AHDC1: variants seen among roughly 807,000 people sequenced by gnomAD.
AHDC1 encodes AT-hook DNA binding motif containing 1.
A neutral mutation model predicts 87.9 loss-of-function variants in AHDC1; 7 were observed. The observed-to-expected ratio is 0.08, with a 90% CI of 0.05 to 0.15. The LOEUF is 0.15. Among genes scored for constraint, AHDC1 ranks in the 10% least tolerant of loss-of-function variants. The pLI, the probability that AHDC1 is intolerant of heterozygous loss-of-function variation, is 1.00. For synonymous variants in AHDC1, 1,051 were observed against 1,006.8 expected, an observed-to-expected ratio of 1.04 and a Z score of -0.83; for missense variants, 1,841 against 2,253.2, an observed-to-expected ratio of 0.82 and a Z score of 3.70.
At chr1:27,542,910 G>A (rs1282511285) in intron 8 of AHDC1, among the ~76,000 whole-genome samples, 1 of 152,234 alleles carries the variant, frequency 6.6e-6, no homozygotes, top group Non-Finnish European at 1.5e-5. Context: ...CTCAGAGAGT[G>A]TGGGGAAGAA....
intron 3 of AHDC1, among the ~76,000 whole-genome samples, chr1:27,580,379 C>G (rs1010044559): frequency 1.3e-5 from 2 of 152,226 alleles, no homozygotes; most frequent in African/African-American, 4.8e-5. Context: ...CCTCCAACTA[C>G]CTGATGCGTC....
intron 3 of AHDC1, among the ~76,000 whole-genome samples, chr1:27,573,073 A>G (rs1363233626): frequency 6.6e-6 from 1 of 151,602 alleles, no homozygotes. Context: ...ATCCACCACA[A>G]CCTCCACCAG....
Position 27,561,608 on chromosome 1 carries a change from C to T in AHDC1, c.-628-2725G>A, listed in dbSNP as rs954688131. On this transcript the variant is annotated intron_variant, in intron 3 of 8. Coordinates refer to ENST00000673934, the MANE Select transcript of AHDC1 (RefSeq NM_001371928.1). This position sits in a 1 kb window ranked among gnomAD's most constrained non-coding sequence, Gnocchi z 4.2. ...CATGTTTCCCATTAGCTGCTCTGGC[C>T]TCCTTGTTCAGGGGGTGTTGGCTGG... is the stretch of plus-strand genomic sequence containing the variant. Among the ~76,000 whole-genome samples the T allele has an allele frequency of 6.6e-6, 1 of 152,056 alleles. No homozygotes were observed. The highest frequency in any genetic ancestry group is 1.5e-5 in the Non-Finnish European group (1 of 68,008).
At chr1:27,579,731 G>A (rs1023016231) in intron 3 of AHDC1, among the ~76,000 whole-genome samples, 2 of 152,176 alleles carry the variant, frequency 1.3e-5, no homozygotes. Flanking sequence ...ATGCTCATTC[G>A]CTTATGCACT....
At chr1:27,555,345 A>G (rs2019770260) in intron 5 of AHDC1, among the ~76,000 whole-genome samples, 1 of 152,054 alleles carries the variant, frequency 6.6e-6, no homozygotes. Flanking sequence ...AGGGAAAGAG[A>G]CTTTGTCCGA....
At chr1:27,538,522 GT>G (rs373338858) in intron 8 of AHDC1, among the ~76,000 whole-genome samples, 10 of 142,280 alleles carry the variant, frequency 7.0e-5, no homozygotes, top group East Asian at 4.2e-4. Flanking sequence ...GTTGTTTTTT[GT>G]TTTTTTTTTG....
intron 3 of AHDC1, among the ~76,000 whole-genome samples, chr1:27,589,252 T>G (rs1020948417): frequency 2.0e-5 from 3 of 152,178 alleles, no homozygotes; most frequent in African/African-American, 4.8e-5. Context: ...CCTCTACATC[T>G]GTCCACAGTA....
rs1470268933 is a variant in AHDC1, at chr1:27,561,068, C to T, written c.-628-2185G>A. Among the ~76,000 whole-genome samples, 1 of 152,212 alleles carries T rather than the reference C, an allele frequency of 6.6e-6. No homozygotes were observed. Among genetic ancestry groups the T allele is most frequent in the Non-Finnish European group, 1.5e-5 (1 of 68,042 alleles). On this transcript the variant is annotated intron_variant, in intron 3 of 8. Coordinates refer to ENST00000673934, the MANE Select transcript of AHDC1 (RefSeq NM_001371928.1). The surrounding 1 kb of genome is among the most constrained non-coding windows in gnomAD (Gnocchi z 4.2). ...AATTCCAACCTGCCAGAGCCTCCCT[C>T]CTCTGATCTGTCCCCCCTTTCCCTG... is the stretch of plus-strand genomic sequence containing the variant.
At chr1:27,597,872 T>G (rs2089419881) in intron 3 of AHDC1, among the ~76,000 whole-genome samples, 1 of 152,074 alleles carries the variant, frequency 6.6e-6, no homozygotes, top group South Asian at 2.1e-4. Flanking sequence ...TCACTCTGTC[T>G]CCTTTCTTTT....
At position 27,551,251 on chromosome 1, in the gene AHDC1, C is replaced by G; in HGVS notation, c.865G>C (p.Glu289Gln). 6.2e-7 allele frequency: 1 copy of G among 1,609,906 alleles called. No individual in the cohort carries two copies. Among genetic ancestry groups the G allele is most frequent in the Non-Finnish European group, 8.5e-7 (1 of 1,179,656 alleles). Residue 289 changes from glutamate (E) to glutamine (Q), a missense_variant, in exon 8 of 9, where the codon GAG becomes CAG. By Grantham distance (29) the Glu-to-Gln change is conservative. This residue lies in a region of AHDC1 where 370 missense variants were observed against 391.5 expected (regional missense o/e 0.95). Coordinates refer to ENST00000673934, the MANE Select transcript of AHDC1 (RefSeq NM_001371928.1). ...AGCTCCAGAGCTTCCCCGAGCGGCT[C>G]TAGTGCCTGCGGGTCCAGGAAGCGG... ...QPRFLDPQAL[E>Q]PLGEALELPP... is the part of the protein sequence containing the mutation.
At chr1:27,536,907 A>T (rs2018664790) in intron 8 of AHDC1, among the ~76,000 whole-genome samples, 1 of 134,718 alleles carries the variant, frequency 7.4e-6, no homozygotes, top group African/African-American at 2.8e-5. Flanking sequence ...TCTCTAAGCC[A>T]GGTCTCCATG....
At chr1:27,585,091 G>A (rs960899700) in intron 3 of AHDC1, among the ~76,000 whole-genome samples, 6 of 151,570 alleles carry the variant, frequency 4.0e-5, no homozygotes, top group East Asian at 1.9e-4. Flanking sequence ...GCAAAACCTC[G>A]TCTCTACTAA....
At chr1:27,581,648 C>G (rs1283297894) in intron 3 of AHDC1, among the ~76,000 whole-genome samples, 1 of 152,162 alleles carries the variant, frequency 6.6e-6, no homozygotes, top group Non-Finnish European at 1.5e-5. Context: ...GTGGGCTCCC[C>G]CACCTCCAGT....
rs757581653 is a variant in AHDC1 at position 27,548,587 on chromosome 1, C to G, written c.3529G>C (p.Val1177Leu). 1.9e-6 allele frequency: 3 copies of G among 1,613,450 alleles called. No homozygotes were observed. The highest frequency in any genetic ancestry group is 2.5e-6 in the Non-Finnish European group (3 of 1,180,018). Residue 1177 changes from valine to leucine, a missense_variant, in exon 8 of 9, where the codon GTT becomes CTT. This residue lies in a region of AHDC1 where 505 missense variants were observed against 626.2 expected (regional missense o/e 0.81). Transcript: ENST00000673934. Reference sequence around the variant, plus strand: ...GCACGCCGAAACCCCCCGCCACCAACCGGCTGATTGAACTGGGTGCTGTCG... The same window carrying G: ...GCACGCCGAAACCCCCCGCCACCAAGCGGCTGATTGAACTGGGTGCTGTCG... ...SSDSTQFNQP[V>L]GGGGFRRANS...
chr1:27,547,994 C>A lies in AHDC1; in HGVS notation c.4122G>T (p.Glu1374Asp). The change falls in exon 8 of 9, where the codon GAG (glutamate) becomes GAT (aspartate). Residue 1374 changes from glutamate to aspartate, a missense_variant. Transcript: ENST00000673934. This position sits in a 1 kb window ranked among gnomAD's most constrained non-coding sequence, Gnocchi z 4.9. ...HCDSPSLGAP[E>D]LDGKHFPPLA... The stretch of plus-strand genomic sequence containing the variant: ...GCGGTGGGAAATGCTTGCCATCAAG[C>A]TCGGGAGCACCCAGGCTGGGCGAGT... 1 of 1,607,270 alleles carries A rather than the reference C, an allele frequency of 6.2e-7. No homozygotes were observed. The highest frequency in any genetic ancestry group is 8.5e-7 in the Non-Finnish European group (1 of 1,175,190).
intron 3 of AHDC1, among the ~76,000 whole-genome samples, chr1:27,575,195 G>C (rs2088680783): frequency 6.6e-6 from 1 of 152,168 alleles, no homozygotes; most frequent in Non-Finnish European, 1.5e-5. Flanking sequence ...GCCGCCTCTG[G>C]GGCTACCTGG....
Position 27,547,719 on chromosome 1 carries a change from T to C in AHDC1, c.4397A>G (p.Tyr1466Cys). The C allele has an allele frequency of 1.3e-6, 2 of 1,595,670 alleles. No homozygotes were observed. The highest frequency in any genetic ancestry group is 1.7e-6 in the Non-Finnish European group (2 of 1,169,070). Residue 1466 changes from tyrosine (Y) to cysteine (C), a missense_variant, in exon 8 of 9, where the codon TAT becomes TGT. By Grantham distance (194) the Tyr-to-Cys change is radical (BLOSUM62 -2). Around this residue, in one of 13 missense-constraint regions of AHDC1, gnomAD observed 505 missense variants for 626.2 expected, o/e 0.81. Transcript: ENST00000673934. The surrounding 1 kb of genome is among the most constrained non-coding windows in gnomAD (Gnocchi z 4.9). Reference sequence around the variant, plus strand: ...GGCAGCTGAGCCTGGAGGGTACCAATAGGCTGTGCCCTTGCAGCTGGGGGA... The same window carrying C: ...GGCAGCTGAGCCTGGAGGGTACCAACAGGCTGTGCCCTTGCAGCTGGGGGA... ...YDSPSCKGTA[Y>C]WYPPGSAARS...
intron 3 of AHDC1, among the ~76,000 whole-genome samples, chr1:27,579,410 G>A (rs2088847765): frequency 6.6e-6 from 1 of 152,060 alleles, no homozygotes; most frequent in Admixed American, 6.6e-5. Flanking sequence ...CCAGTTTTCC[G>A]TGAATCTAGG....
At position 27,590,277 on chromosome 1, in the gene AHDC1, G is replaced by A. The variant is rs757587382; in HGVS notation, c.-629+13120C>T. 3.9e-5 allele frequency among the ~76,000 whole-genome samples: 6 copies of A among 152,186 alleles called. No homozygotes were observed. The highest frequency in any genetic ancestry group is 8.8e-5 in the Non-Finnish European group (6 of 68,000). On this transcript the variant is annotated intron_variant, in intron 3 of 8. Coordinates refer to ENST00000673934, the MANE Select transcript of AHDC1 (RefSeq NM_001371928.1). The surrounding 1 kb of genome is among the most constrained non-coding windows in gnomAD (Gnocchi z 5.4). ...GGTCCCTGGGGCCAGGCAGCAGCGA[G>A]TTCCCTGGGGAGCTGGGCGGGGAGG...
Sources: allele counts gnomAD v4.1 joint callset (sites outside exome capture counted in the v4.1 genomes callset), GRCh38; gene constraint gnomAD v4.1.1; regional missense constraint gnomAD v4.1.1; non-coding constraint Gnocchi (gnomAD v3.1); transcripts MANE v1.5; gene names NCBI Gene and HGNC (gene_info 2026-07-23, HGNC 2026-07-21).